Variants in RMND1 observed in about 807,000 individuals in gnomAD.
RMND1 encodes required for meiotic nuclear division 1 homolog.
Under a neutral mutation model 54.0 loss-of-function variants are expected in RMND1, and 41 were observed. The ratio of observed to expected loss-of-function variants is 0.76; its 90% CI spans 0.59 to 0.98. The LOEUF (loss-of-function observed/expected upper bound fraction) is 0.98. Among genes scored for constraint, RMND1 ranks in the 50% least tolerant of loss-of-function variants. The pLI, the probability that RMND1 is intolerant of heterozygous loss-of-function variation, is 0.00. For missense variants in RMND1, 457 were observed against 532.0 expected, an observed-to-expected ratio of 0.86 and a Z score of 1.39; for synonymous variants, 183 against 181.7, an observed-to-expected ratio of 1.01 and a Z score of -0.06.
At chr6:151,442,815 T>A (rs1200497697) in intron 2 of RMND1, among the ~76,000 whole-genome samples, 1 of 151,704 alleles carries the variant, frequency 6.6e-6, no homozygotes, top group African/African-American at 2.4e-5. Flanking sequence ...ACTGAAATTA[T>A]AGGCATAAGC....
chr6:151,427,171 T>A (rs1046894549), intron 6 of RMND1, among the ~76,000 whole-genome samples: 1 of 149,618 alleles, frequency 6.7e-6, no homozygotes, highest in East Asian at 2.1e-4. Flanking sequence ...CAGGTCGAGA[T>A]CCAGACCATC....
In RMND1 at chr6:151,405,255, G is replaced by A. The variant is rs760786861; in HGVS notation, c.1330C>T (p.Leu444=). ...CTTGATCAGAAAAATACTCGTCCCA[G>A]CTCAAACATTACCTTAGAATAGAAA... ...ILITIEVMFE[L]GRVFF The change falls in exon 12 of 12, where the codon CTG becomes TTG. Residue 444 remains leucine (L), a synonymous_variant. Coordinates refer to ENST00000444024, the MANE Select transcript of RMND1 (RefSeq NM_017909.4). The A allele has an allele frequency of 1.2e-6, 2 of 1,612,622 alleles. No homozygotes were observed. Among genetic ancestry groups the A allele is most frequent in the Admixed American group, 1.7e-5 (1 of 59,934 alleles).
chr6:151,442,077 C>T (rs1562799382), intron 2 of RMND1, among the ~76,000 whole-genome samples: 1 of 152,090 alleles, frequency 6.6e-6, no homozygotes, highest in Non-Finnish European at 1.5e-5. Context: ...AAGAGGTCCC[C>T]ATATATTTGA....
chr6:151,431,027 C>T (rs1280292408), intron 4 of RMND1, among the ~76,000 whole-genome samples: 2 of 151,978 alleles, frequency 1.3e-5, no homozygotes. Flanking sequence ...CTTAGACCAC[C>T]AATTACAATA....
chr6:151,434,063 G>T (rs1407916004), intron 3 of RMND1, among the ~76,000 whole-genome samples: 1 of 151,666 alleles, frequency 6.6e-6, no homozygotes, highest in Non-Finnish European at 1.5e-5. Flanking sequence ...TGCCCAGGCT[G>T]GTCGTGAACT....
Position 151,427,483 on chromosome 6 carries a change from C to G in RMND1, c.829G>C (p.Glu277Gln), listed in dbSNP as rs143508229. 6.3e-7 allele frequency: 1 copy of G among 1,583,156 alleles called. No homozygotes were observed. The highest frequency in any genetic ancestry group is 1.3e-5 in the African/African-American group (1 of 74,102). The stretch of plus-strand genomic sequence containing the variant: ...TAAATTTGATGAAAAGTTGCTTACT[C>G]TATTTTTATGTAGTTAAGTTCTTCA... ...ENEELNYIKI[E>Q]GQSKLHRGEI... Residue 277 changes from glutamate to glutamine, a missense_variant and splice_region_variant, in exon 6 of 12, where the codon GAG (glutamate) becomes CAG (glutamine). Physicochemically the swap from Glu to Gln is conservative, Grantham distance 29 (BLOSUM62 2). Transcript: ENST00000444024.
At chr6:151,406,703 C>T (rs1306516533) in intron 10 of RMND1, among the ~76,000 whole-genome samples, 2 of 152,098 alleles carry the variant, frequency 1.3e-5, no homozygotes, top group Non-Finnish European at 2.9e-5. Context: ...TCACTTGCTA[C>T]TGGAAATCCT....
rs977894824 is a variant in RMND1, at chr6:151,430,191, A to G, written c.690-14T>C. On this transcript the variant is annotated splice_polypyrimidine_tract_variant and intron_variant, in intron 4 of 11. Coordinates refer to ENST00000444024, the MANE Select transcript of RMND1 (RefSeq NM_017909.4). ...GCAGCTCCTTCCCTGATTTAAAAAAATAAAAGAAACAACTAAGATACAGAT... is the reference window on the plus strand; with the variant it reads ...GCAGCTCCTTCCCTGATTTAAAAAAGTAAAAGAAACAACTAAGATACAGAT... The G allele has an allele frequency of 1.3e-6, 2 of 1,582,438 alleles. No individual in the cohort carries two copies. The highest frequency in any genetic ancestry group is 1.7e-6 in the Non-Finnish European group (2 of 1,153,210).
chr6:151,445,217 T>G, intron 2 of RMND1, 91 bp downstream of exon 2: 1 of 1,357,472 alleles, frequency 7.4e-7, no homozygotes, highest in Non-Finnish European at 1.0e-6. Context: ...CTAGTTCTCT[T>G]ACGTTGGCGG....
rs891577734 is a variant in RMND1, at chr6:151,450,892, G to A, written c.-15+1124C>T. ...TTCTGCCTTGGGATCCTGCTAATCG[G>A]TGACCTTACCCCCAACCCTGTGCTC... On this transcript the variant is annotated intron_variant, in intron 1 of 11. Transcript: ENST00000444024. Among the ~76,000 whole-genome samples the A allele has an allele frequency of 1.1e-4, 16 of 152,250 alleles. No homozygotes were observed. The South Asian group carries it at 2.9e-3, about 28-fold the overall frequency.
chr6:151,445,154 C>G lies in RMND1; in HGVS notation c.504+154G>C, dbSNP rs1348228892. On this transcript the variant is annotated intron_variant, in intron 2 of 11. Transcript: ENST00000444024. ...TGTTAAAAATTAAGATTCTGAATCC[C>G]TTTGGATATTTATTAGGCTTCAAAG... 21 of 674,830 alleles carry G rather than the reference C, an allele frequency of 3.1e-5. No homozygotes were observed. In the East Asian group the frequency reaches 5.6e-4, roughly 18 times the overall value. 41.8% of individuals were successfully genotyped at this position (674,830 alleles called of 1,614,324 possible).
chr6:151,440,999 C>T (rs1780762102), intron 2 of RMND1, among the ~76,000 whole-genome samples: 1 of 152,054 alleles, frequency 6.6e-6, no homozygotes, highest in South Asian at 2.1e-4. Context: ...ATGTGTCAAA[C>T]CAACCGATAA....
At chr6:151,444,738 C>T (rs1780901076) in intron 2 of RMND1, 1 of 152,318 alleles carries the variant, frequency 6.6e-6, no homozygotes, top group African/African-American at 2.4e-5. Flanking sequence ...TAAGTTGTTA[C>T]TGAAGGAGAA....
At chr6:151,437,416 TAA>T (rs1780644842) in intron 2 of RMND1, among the ~76,000 whole-genome samples, 1 of 152,218 alleles carries the variant, frequency 6.6e-6, no homozygotes, top group Non-Finnish European at 1.5e-5. Context: ...ATGTGGTCAA[TAA>T]AGTTTGAAAG....
rs758563871 is a variant in RMND1 at position 151,422,523 on chromosome 6, T to A, written c.1002+18A>T. On this transcript the variant is annotated intron_variant, in intron 8 of 11. Transcript: ENST00000444024. ...ATAAAAATCAATCCTTGAATAAGCA[T>A]AAAATTGATATAATTACCTCAGGAA... 24 of 1,289,820 alleles carry A rather than the reference T, an allele frequency of 1.9e-5. No individual in the cohort carries two copies. The highest frequency in any genetic ancestry group is 1.7e-4 in the East Asian group (7 of 40,094). 79.9% of individuals were successfully genotyped at this position (1,289,820 alleles called of 1,614,324 possible).
At chr6:151,445,908 T>A (rs1582971079) in intron 1 of RMND1, 83 bp from the exon 2 acceptor site, 1 of 1,277,526 alleles carries the variant, frequency 7.8e-7, no homozygotes, top group East Asian at 2.5e-5. Context: ...GCAGGCATAT[T>A]TCTGTTAGAA....
chr6:151,444,657 A>G (rs1293501607), intron 2 of RMND1: 14 of 129,894 alleles, frequency 1.1e-4, no homozygotes, highest in Non-Finnish European at 3.6e-5. Flanking sequence ...TCTTATAAAC[A>G]TTTAAGTACA....
chr6:151,444,260 G>A (rs1780884807), intron 2 of RMND1, among the ~76,000 whole-genome samples: 1 of 152,084 alleles, frequency 6.6e-6, no homozygotes, highest in African/African-American at 2.4e-5. Flanking sequence ...ATGCCATCTC[G>A]GACACTTAAA....
Position 151,423,516 on chromosome 6 carries a change from G to A in RMND1, c.937+9C>T, listed in dbSNP as rs182827943. ...GTAGTACCCTATCCCATAAGCAGTA[G>A]TAACTTACCAGAAAGGCATAGAGCA... is the stretch of plus-strand genomic sequence containing the variant. On this transcript the variant is annotated intron_variant, in intron 7 of 11. Transcript: ENST00000444024. The A allele has an allele frequency of 2.6e-5, 40 of 1,557,678 alleles. No individual in the cohort carries two copies. In the African/African-American group the frequency reaches 5.2e-4, roughly 20 times the overall value.
Sources: gnomAD v4.1 joint callset for allele counts (sites outside exome capture counted in the v4.1 genomes callset) on GRCh38, gnomAD v4.1.1 for gene constraint, MANE v1.5 for transcripts, NCBI Gene and HGNC (gene_info 2026-07-23, HGNC 2026-07-21) for gene names.